AKAP19: variants seen among roughly 807,000 people sequenced by gnomAD.
The protein encoded by AKAP19 is A-kinase anchoring protein 19, also known as small A-kinase anchoring protein.
the AKAP19 span, among the ~76,000 whole-genome samples, chr2:189,973,836 T>G: frequency 1.3e-5 from 2 of 152,208 alleles, no homozygotes; most frequent in Admixed American, 1.3e-4. Flanking sequence ...GATATCCCCT[T>G]TATCATTTTT....
chr2:190,015,705 G>T, the AKAP19 span, among the ~76,000 whole-genome samples: 5 of 152,142 alleles, frequency 3.3e-5, no homozygotes, highest in African/African-American at 1.2e-4. Context: ...TTTACACTCT[G>T]CTTCCCTTTT....
the AKAP19 span, among the ~76,000 whole-genome samples, chr2:190,144,976 C>CA: frequency 3.4e-4 from 50 of 146,236 alleles, no homozygotes; most frequent in East Asian, 4.4e-3. Flanking sequence ...GAAACTGTCT[C>CA]AAAAAAAAAA....
the AKAP19 span, among the ~76,000 whole-genome samples, chr2:190,084,556 T>C: frequency 6.6e-6 from 1 of 152,208 alleles, no homozygotes; most frequent in Admixed American, 6.5e-5. Context: ...TGTATTCACG[T>C]AGTCAAAAAA....
At chr2:190,143,443 T>C in the AKAP19 span, among the ~76,000 whole-genome samples, 1 of 152,172 alleles carries the variant, frequency 6.6e-6, no homozygotes, top group Non-Finnish European at 1.5e-5. Flanking sequence ...CTAGGAAGCC[T>C]TCCTTGGCAA....
the AKAP19 span, among the ~76,000 whole-genome samples, chr2:190,095,026 C>A: frequency 6.6e-6 from 1 of 152,140 alleles, no homozygotes. Context: ...AGTTCGAGAC[C>A]AGCCTGACCA....
the AKAP19 span, among the ~76,000 whole-genome samples, chr2:189,984,324 T>C: frequency 1.3e-5 from 2 of 152,166 alleles, no homozygotes; most frequent in Admixed American, 6.5e-5. Flanking sequence ...GTGCGCATTC[T>C]CTTTCTCAGG....
At chr2:190,091,939 T>G in the AKAP19 span, among the ~76,000 whole-genome samples, 1 of 152,164 alleles carries the variant, frequency 6.6e-6, no homozygotes, top group East Asian at 1.9e-4. Context: ...TTTTTGTTTA[T>G]CTACTCAGTA....
At chr2:190,110,098 C>G in the AKAP19 span, among the ~76,000 whole-genome samples, 2 of 152,186 alleles carry the variant, frequency 1.3e-5, no homozygotes, top group Non-Finnish European at 2.9e-5. Context: ...ATATTGAAAA[C>G]ACTAGTCCTG....
At chr2:190,063,323 CA>C in the AKAP19 span, among the ~76,000 whole-genome samples, 1 of 151,986 alleles carries the variant, frequency 6.6e-6, no homozygotes, top group Non-Finnish European at 1.5e-5. Flanking sequence ...GTTATTATAA[CA>C]TATTGTGCAT....
chr2:189,987,527 C>T, the AKAP19 span, among the ~76,000 whole-genome samples: 2 of 152,190 alleles, frequency 1.3e-5, no homozygotes, highest in South Asian at 2.1e-4. Context: ...TCTGCCTTAG[C>T]AAAGAAGTGG....
chr2:190,143,691 A>G, the AKAP19 span, among the ~76,000 whole-genome samples: 1 of 152,032 alleles, frequency 6.6e-6, no homozygotes, highest in Non-Finnish European at 1.5e-5. Flanking sequence ...AAAGGACTAT[A>G]AATCATGCTG....
chr2:190,130,866 C>A, the AKAP19 span, among the ~76,000 whole-genome samples: 1 of 152,104 alleles, frequency 6.6e-6, no homozygotes, highest in Admixed American at 6.5e-5. Context: ...TAAATCTACC[C>A]CTACCCTACA....
At chr2:190,015,190 C>T in the AKAP19 span, among the ~76,000 whole-genome samples, 4 of 152,180 alleles carry the variant, frequency 2.6e-5, no homozygotes, top group African/African-American at 4.8e-5. Context: ...TTCTGCACTG[C>T]CTTAGCAGAG....
At chr2:190,166,314 ACTC>A in the AKAP19 span, among the ~76,000 whole-genome samples, 10 of 70,020 alleles carry the variant, frequency 1.4e-4, no homozygotes, top group Non-Finnish European at 2.5e-4. Flanking sequence ...AAAAAAATCC[ACTC>A]TTTTTTTTTT....
At chr2:189,998,176 T>G in the AKAP19 span, among the ~76,000 whole-genome samples, 1 of 152,232 alleles carries the variant, frequency 6.6e-6, no homozygotes. Flanking sequence ...TGGTGTGCAC[T>G]TCTTTCAAAG....
chr2:190,190,310 A>C, the AKAP19 span, among the ~76,000 whole-genome samples: 1 of 152,318 alleles, frequency 6.6e-6, no homozygotes. Flanking sequence ...ATTCATATAA[A>C]TATGATCCAT....
the AKAP19 span, among the ~76,000 whole-genome samples, chr2:190,041,963 T>C: frequency 2.0e-5 from 3 of 152,182 alleles, no homozygotes. Context: ...ATCAAAGATA[T>C]TGGCCTGAAG....
chr2:190,167,694 A>G, the AKAP19 span, among the ~76,000 whole-genome samples: 1 of 152,358 alleles, frequency 6.6e-6, no homozygotes, highest in South Asian at 2.1e-4. Flanking sequence ...CAAGCCCAAA[A>G]TCCAGCGGGG....
the AKAP19 span, among the ~76,000 whole-genome samples, chr2:189,895,888 A>G: frequency 6.6e-6 from 1 of 152,004 alleles, no homozygotes; most frequent in Non-Finnish European, 1.5e-5. Context: ...GTACATGCCT[A>G]TAGTCCCAGC....
Sources: gnomAD v4.1 joint callset for allele counts (sites outside exome capture counted in the v4.1 genomes callset) on GRCh38, gnomAD v4.1.1 for gene constraint, MANE v1.5 for transcripts, NCBI Gene and HGNC (gene_info 2026-07-23, HGNC 2026-07-21) for gene names.